Variants in CEP85L observed in about 807,000 individuals in gnomAD.
The protein encoded by CEP85L is centrosomal protein of 85 kDa-like.
A neutral mutation model predicts 100.3 loss-of-function variants in CEP85L; 60 were observed. The observed-to-expected ratio is 0.60, with a 90% confidence interval of 0.49 to 0.74. The LOEUF (loss-of-function observed/expected upper bound fraction) is 0.74, where lower values mean the gene tolerates loss of function less well. CEP85L is among the 30% of genes least tolerant of loss of function. The pLI is 0.00. For synonymous variants in CEP85L, 319 were observed against 322.7 expected (o/e 0.99, Z 0.12); for missense variants, 973 against 936.2 (o/e 1.04, Z -0.51).
intron 3 of CEP85L, among the ~76,000 whole-genome samples, chr6:118,544,421 C>T (rs1011445312): frequency 2.6e-5 from 4 of 152,260 alleles, no homozygotes; most frequent in Non-Finnish European, 5.9e-5. Context: ...TTCTTTTTCT[C>T]CTGGTGTTAT....
At chr6:118,655,894 C>T (rs1775771610), upstream of CEP85L, among the ~76,000 whole-genome samples, 1 of 152,058 alleles carries the variant, frequency 6.6e-6, no homozygotes, top group Non-Finnish European at 1.5e-5. Context: ...GAAAAAAGAC[C>T]AAAGAGAAGT....
chr6:118,531,346 A>G (rs975904264), intron 3 of CEP85L, among the ~76,000 whole-genome samples: 8 of 152,226 alleles, frequency 5.3e-5, no homozygotes, highest in African/African-American at 1.9e-4. Context: ...CTTATACTAT[A>G]TACAAAAAAT....
At chr6:118,668,989 A>G (rs1776214930) in intron 1 of CEP85L, among the ~76,000 whole-genome samples, 1 of 152,238 alleles carries the variant, frequency 6.6e-6, no homozygotes, top group Non-Finnish European at 1.5e-5. Flanking sequence ...TTGCAGAAGT[A>G]AACAAACTGG....
chr6:118,631,305 C>T (rs1430117854), intron 2 of CEP85L, among the ~76,000 whole-genome samples: 2 of 152,100 alleles, frequency 1.3e-5, no homozygotes, highest in African/African-American at 4.8e-5. Context: ...ATCAAAATGG[C>T]TAAATTTTTT....
At chr6:118,543,944 C>A (rs1282963745) in intron 3 of CEP85L, among the ~76,000 whole-genome samples, 1 of 152,142 alleles carries the variant, frequency 6.6e-6, no homozygotes, top group East Asian at 1.9e-4. Context: ...GAGAGTTGGT[C>A]AGGCTATGAG....
At chr6:118,577,434 A>G (rs1208009926) in intron 2 of CEP85L, among the ~76,000 whole-genome samples, 1 of 152,242 alleles carries the variant, frequency 6.6e-6, no homozygotes, top group African/African-American at 2.4e-5. Context: ...TCACATTTAT[A>G]TAGATGCCAT....
At chr6:118,512,625 A>G (rs547707443) in intron 4 of CEP85L, among the ~76,000 whole-genome samples, 19 of 152,212 alleles carry the variant, frequency 1.2e-4, no homozygotes, top group African/African-American at 4.6e-4. Flanking sequence ...GCCACCCTCA[A>G]TAGTGAATTA....
intron 3 of CEP85L, among the ~76,000 whole-genome samples, chr6:118,529,524 C>T (rs1357471378): frequency 2.1e-5 from 3 of 141,810 alleles, no homozygotes; most frequent in Non-Finnish European, 3.0e-5. Flanking sequence ...AGGAGAATGG[C>T]GTGAACCTGG....
At chr6:118,660,251 A>G (rs1775927231) in intron 1 of CEP85L, among the ~76,000 whole-genome samples, 1 of 152,250 alleles carries the variant, frequency 6.6e-6, no homozygotes. Flanking sequence ...TGAAGAGGTA[A>G]ACTGTATAGG....
chr6:118,544,666 T>G (rs945060259), intron 3 of CEP85L, among the ~76,000 whole-genome samples: 2 of 152,120 alleles, frequency 1.3e-5, no homozygotes, highest in African/African-American at 4.8e-5. Context: ...GAAAGAGAAT[T>G]TGCCCAGAAT....
chr6:118,621,639 T>C (rs535467121), intron 2 of CEP85L, among the ~76,000 whole-genome samples: 4 of 152,282 alleles, frequency 2.6e-5, no homozygotes, highest in Admixed American at 1.3e-4. Context: ...TTCTAGCTAA[T>C]CGAGGGTACA....
At chr6:118,479,584 T>C (rs1773628651) in intron 10 of CEP85L, among the ~76,000 whole-genome samples, 1 of 152,130 alleles carries the variant, frequency 6.6e-6, no homozygotes, top group Non-Finnish European at 1.5e-5. Flanking sequence ...ATTTTTTTCA[T>C]AGCACCTGGT....
intron 1 of CEP85L, among the ~76,000 whole-genome samples, chr6:118,699,582 T>C (rs1777344066): frequency 6.6e-6 from 1 of 152,208 alleles, no homozygotes; most frequent in South Asian, 2.1e-4. Flanking sequence ...GCTCATCTGT[T>C]TTTATCTTTG....
rs1490172420 is a variant in CEP85L at position 118,481,937 on chromosome 6, A to C, written c.1591-4T>G. The C allele has an allele frequency of 6.6e-7, 1 of 1,526,102 alleles. No individual in the cohort carries two copies. The highest frequency in any genetic ancestry group is 1.4e-5 in the African/African-American group (1 of 70,870). The allele number at this position is 1,526,102 out of a possible 1,614,324, so 94.5% of individuals were successfully genotyped here. A position where few individuals can be genotyped will look rare whatever the true frequency, so the allele number is the denominator to read the frequency against. ...TTTTTTCTTCCAGAATCTGCAGCTA[A>C]GGAGAAATGTTTTACAGTTCATTAC... On this transcript the variant is annotated splice_region_variant and splice_polypyrimidine_tract_variant and intron_variant, in intron 7 of 12. Transcript: ENST00000368491.
chr6:118,621,901 T>A (rs1773467889), intron 2 of CEP85L, among the ~76,000 whole-genome samples: 1 of 152,156 alleles, frequency 6.6e-6, no homozygotes, highest in Admixed American at 6.5e-5. Context: ...GGCAAATAAC[T>A]CATCTAGTAG....
Position 118,558,972 on chromosome 6 carries a change from C to A in CEP85L, c.1020+6557G>T, listed in dbSNP as rs996756205. Reference sequence around the variant, plus strand: ...GCTCAGCTATAAGAAGAGCCTCAACCATTGAAATGCCTCAACAAGCACGTC... The same window carrying A: ...GCTCAGCTATAAGAAGAGCCTCAACAATTGAAATGCCTCAACAAGCACGTC... On this transcript the variant is annotated intron_variant, in intron 3 of 12. Coordinates refer to ENST00000368491, the MANE Select transcript of CEP85L (RefSeq NM_001042475.3). The A allele has an allele frequency of 3.7e-6, 6 of 1,612,600 alleles. No individual in the cohort carries two copies. The highest frequency in any genetic ancestry group is 5.1e-6 in the Non-Finnish European group (6 of 1,178,614).
chr6:118,547,334 T>C (rs562971872), intron 3 of CEP85L, among the ~76,000 whole-genome samples: 1 of 152,258 alleles, frequency 6.6e-6, no homozygotes, highest in Non-Finnish European at 1.5e-5. Context: ...CTTACTAGCA[T>C]CTCATTTTTA....
intron 1 of CEP85L, among the ~76,000 whole-genome samples, chr6:118,709,067 AG>A (rs1474054031): frequency 2.0e-5 from 3 of 152,342 alleles, no homozygotes; most frequent in African/African-American, 7.2e-5. Context: ...GATCTCGGAA[AG>A]GGACTGACAG....
chr6:118,607,660 C>A (rs765444059), intron 2 of CEP85L, among the ~76,000 whole-genome samples: 75 of 152,278 alleles, frequency 4.9e-4, no homozygotes, highest in Admixed American at 5.2e-4. Context: ...GGGCTCCAAC[C>A]CACTGTGTCT....
Sources: gnomAD v4.1 joint callset for allele counts (sites outside exome capture counted in the v4.1 genomes callset) on GRCh38, gnomAD v4.1.1 for gene constraint, MANE v1.5 for transcripts, NCBI Gene and HGNC (gene_info 2026-07-23, HGNC 2026-07-21) for gene names.